FOXP1: variants seen among roughly 807,000 people sequenced by gnomAD.
FOXP1 encodes the protein forkhead box P1.
Under a neutral mutation model 98.2 loss-of-function variants are expected in FOXP1, and 15 were observed. The ratio of observed to expected loss-of-function variants is 0.15; its 90% confidence interval spans 0.10 to 0.24. The LOEUF is 0.24. Among genes scored for constraint, FOXP1 ranks in the 10% least tolerant of loss-of-function variants. FOXP1 has a pLI of 1.00. For synonymous variants in FOXP1, 371 were observed against 314.5 expected (o/e 1.18, Z -1.90); for missense variants, 633 against 848.5 (o/e 0.75, Z 3.15).
At chr3:71,289,256 A>G (rs2072500150) in intron 5 of FOXP1, among the ~76,000 whole-genome samples, 1 of 151,546 alleles carries the variant, frequency 6.6e-6, no homozygotes, top group Non-Finnish European at 1.5e-5. Context: ...GGCCAGGCTG[A>G]TCTTGAACTC....
rs541605223 is a variant in FOXP1 at position 71,317,640 on chromosome 3, CA to C, written c.-72-17761del. 4.7e-4 allele frequency among the ~76,000 whole-genome samples: 71 copies of C among 152,064 alleles called. 1 individual carries two copies. The highest frequency in any genetic ancestry group is 1.6e-3 in the African/African-American group (66 of 41,462). ...TTCCTAAAACACAGATGCTAGGCCC[CA>C]AAATTCTACTTTGTGAGAGTTAATT... On this transcript the variant is annotated intron_variant, in intron 4 of 20. Coordinates refer to ENST00000649528, the MANE Select transcript of FOXP1 (RefSeq NM_001349338.3).
At chr3:71,400,092 C>T (rs2081849496) in intron 3 of FOXP1, among the ~76,000 whole-genome samples, 1 of 151,998 alleles carries the variant, frequency 6.6e-6, no homozygotes, top group Admixed American at 6.6e-5. Context: ...TTTTTTACCT[C>T]GCACTTGGCA....
In FOXP1 at chr3:71,011,280, C is replaced by T. The variant is rs907643876; in HGVS notation, c.974+4269G>A. 3.3e-5 allele frequency among the ~76,000 whole-genome samples: 5 copies of T among 152,122 alleles called. No individual in the cohort carries two copies. The East Asian group carries it at 9.6e-4, about 29-fold the overall frequency. On this transcript the variant is annotated intron_variant, in intron 12 of 20. Transcript: ENST00000649528. ...TGGTTCACGTGGGGTGAACATCTCC[C>T]TCTGTTCTGGAGGCAGCATGTAATG... is the stretch of plus-strand genomic sequence containing the variant.
At chr3:71,540,089 T>C (rs1188555699) in intron 2 of FOXP1, among the ~76,000 whole-genome samples, 1 of 152,222 alleles carries the variant, frequency 6.6e-6, no homozygotes, top group Non-Finnish European at 1.5e-5. Context: ...AAGCCCTAGG[T>C]TGGTCTTAAT....
intron 5 of FOXP1, among the ~76,000 whole-genome samples, chr3:71,281,394 A>G (rs1560235217): frequency 6.6e-6 from 1 of 152,218 alleles, no homozygotes; most frequent in Non-Finnish European, 1.5e-5. Context: ...ACCCACAAAC[A>G]GCCAACCCTC....
chr3:71,016,415 G>A (rs759140420), intron 11 of FOXP1, among the ~76,000 whole-genome samples: 4 of 152,086 alleles, frequency 2.6e-5, no homozygotes, highest in African/African-American at 4.8e-5. Flanking sequence ...TGCACTCACC[G>A]ATGAACCATA....
intron 20 of FOXP1, among the ~76,000 whole-genome samples, chr3:70,962,512 A>C (rs908312663): frequency 1.3e-4 from 20 of 152,228 alleles, no homozygotes; most frequent in Non-Finnish European, 2.9e-5. Flanking sequence ...TAGCAGGTAC[A>C]AGGTAAGCTC....
chr3:71,196,769 T>A (rs916843762), intron 6 of FOXP1, among the ~76,000 whole-genome samples: 4 of 152,250 alleles, frequency 2.6e-5, no homozygotes, highest in African/African-American at 9.6e-5. Context: ...TTTGGCCATC[T>A]GCACTAACTT....
rs374315868 is a variant in FOXP1, at chr3:70,979,117, T to TAC, written c.1147-1090_1147-1089dup. Among the ~76,000 whole-genome samples the TAC allele has an allele frequency of 1.4e-4, 21 of 149,826 alleles. No individual in the cohort carries two copies. The South Asian group carries it at 2.3e-3, about 17-fold the overall frequency. On this transcript the variant is annotated intron_variant, in intron 14 of 20. Coordinates refer to ENST00000649528, the MANE Select transcript of FOXP1 (RefSeq NM_001349338.3). The stretch of plus-strand genomic sequence containing the variant: ...CTCTGTCTCCATTAACGCACACACA[T>TAC]ACACACACACACAAATTAGCCATGT...
chr3:71,470,392 A>C (rs2089215883), intron 3 of FOXP1, among the ~76,000 whole-genome samples: 1 of 152,240 alleles, frequency 6.6e-6, no homozygotes, highest in African/African-American at 2.4e-5. Context: ...TGTTATTCAT[A>C]AGTAATTCTT....
At chr3:71,479,679 CA>C (rs71120335) in intron 3 of FOXP1, among the ~76,000 whole-genome samples, 1,108 of 56,514 alleles carry the variant, frequency 0.02, 31 homozygotes, top group Admixed American at 0.15. Flanking sequence ...AACATCATCT[CA>C]AAAAAAAAAA....
At chr3:71,571,392 G>A (rs909140103) in intron 2 of FOXP1, 1 of 152,062 alleles carries the variant, frequency 6.6e-6, no homozygotes, top group African/African-American at 2.4e-5. Flanking sequence ...TCCAAACATT[G>A]CCCCTTTGTT....
chr3:71,447,473 G>C (rs2086555462), intron 3 of FOXP1, among the ~76,000 whole-genome samples: 1 of 152,216 alleles, frequency 6.6e-6, no homozygotes, highest in Non-Finnish European at 1.5e-5. Context: ...GAAGGAAGTA[G>C]GTCAGTGGCC....
At chr3:71,298,063 A>G (rs566731370) in intron 5 of FOXP1, among the ~76,000 whole-genome samples, 4 of 152,352 alleles carry the variant, frequency 2.6e-5, no homozygotes, top group African/African-American at 9.6e-5. Flanking sequence ...CTTGCTGAGT[A>G]GCTGCAACAG....
rs745963554 is a variant in FOXP1 at position 70,972,690 on chromosome 3, A to G, written c.1531-14T>C. The G allele has an allele frequency of 3.1e-6, 5 of 1,613,738 alleles. No homozygotes were observed. The highest frequency in any genetic ancestry group is 4.2e-6 in the Non-Finnish European group (5 of 1,179,652). Reference sequence around the variant, plus strand: ...ACGCACTGCATTCTGCAGCAAGTATAAAAGAGAGAACATTTACATTTTCTA... The same window carrying G: ...ACGCACTGCATTCTGCAGCAAGTATGAAAGAGAGAACATTTACATTTTCTA... On this transcript the variant is annotated splice_polypyrimidine_tract_variant and intron_variant, in intron 17 of 20. Coordinates refer to ENST00000649528, the MANE Select transcript of FOXP1 (RefSeq NM_001349338.3).
At chr3:71,283,461 G>T (rs895490296) in intron 5 of FOXP1, among the ~76,000 whole-genome samples, 2 of 152,194 alleles carry the variant, frequency 1.3e-5, no homozygotes, top group Admixed American at 1.3e-4. Context: ...AGCTGAAAGA[G>T]AAATGGGGAG....
At chr3:71,353,905 C>A (rs112528572) in intron 4 of FOXP1, among the ~76,000 whole-genome samples, 56 of 152,230 alleles carry the variant, frequency 3.7e-4, no homozygotes, top group African/African-American at 1.3e-3. Flanking sequence ...TAATGAAAGA[C>A]ATTTATATCT....
chr3:71,047,153 A>G, intron 9 of FOXP1, 58 bp from the exon 10 acceptor site: 1 of 1,592,696 alleles, frequency 6.3e-7, no homozygotes, highest in Non-Finnish European at 8.6e-7. Context: ...GGTTAAAAGT[A>G]TGGACACTTC....
At chr3:71,093,369 A>T (rs1356743733) in intron 7 of FOXP1, among the ~76,000 whole-genome samples, 2 of 150,862 alleles carry the variant, frequency 1.3e-5, no homozygotes, top group Admixed American at 6.6e-5. Context: ...ATCTGCATTA[A>T]TCAAAATAAT....
Sources: allele counts gnomAD v4.1 joint callset (sites outside exome capture counted in the v4.1 genomes callset), GRCh38; gene constraint gnomAD v4.1.1; transcripts MANE v1.5; gene names NCBI Gene and HGNC (gene_info 2026-07-23, HGNC 2026-07-21).